The following PTPRT variants were observed in gnomAD, a reference collection of about 807,000 sequenced individuals.
PTPRT encodes the protein protein tyrosine phosphatase receptor type T, also known as receptor-type tyrosine-protein phosphatase T.
PTPRT carries 56 observed loss-of-function variants against 176.8 expected under a neutral mutation model. That is an observed-to-expected ratio of 0.32 (90% CI 0.26 to 0.40). The LOEUF is 0.40. Ranked by LOEUF, PTPRT falls within the 10% of genes least tolerant of loss-of-function variation. The probability of loss-of-function intolerance (pLI) is 1.00; values close to 1 mark genes in which losing one functional copy is unlikely to be tolerated. For synonymous variants in PTPRT, 783 were observed against 739.0 expected (o/e 1.06, Z -0.96); for missense variants, 1,540 against 1,908.2 (o/e 0.81, Z 3.60).
At chr20:42,661,057 G>T (rs933451415) in intron 7 of PTPRT, among the ~76,000 whole-genome samples, 1 of 151,970 alleles carries the variant, frequency 6.6e-6, no homozygotes, top group Admixed American at 6.6e-5. Flanking sequence ...CACCATATTG[G>T]CCAGCCTGGT....
intron 15 of PTPRT, among the ~76,000 whole-genome samples, chr20:42,215,749 T>C (rs1420832542): frequency 1.3e-5 from 1 of 75,190 alleles, no homozygotes; most frequent in African/African-American, 3.3e-5. Flanking sequence ...CCCAGTCATT[T>C]TCCCACCCTA....
intron 6 of PTPRT, among the ~76,000 whole-genome samples, chr20:42,734,795 G>A (rs1358286632): frequency 6.6e-6 from 1 of 152,194 alleles, no homozygotes; most frequent in African/African-American, 2.4e-5. Context: ...GCCAGGGGCA[G>A]GTTCTTCCAG....
chr20:42,854,378 C>G (rs75444627), intron 2 of PTPRT, among the ~76,000 whole-genome samples: 8,975 of 152,176 alleles, frequency 0.059, 598 homozygotes, highest in African/African-American at 0.16. Flanking sequence ...AACACCTTGA[C>G]AAAGGAAAGA....
At chr20:42,038,706 C>A in the PTPRT span, among the ~76,000 whole-genome samples, 1 of 152,158 alleles carries the variant, frequency 6.6e-6, no homozygotes, top group East Asian at 1.9e-4. Context: ...ATATAGTGAG[C>A]TAACACATGC....
At chr20:42,444,599 C>T (rs2059347016) in intron 9 of PTPRT, among the ~76,000 whole-genome samples, 1 of 151,996 alleles carries the variant, frequency 6.6e-6, no homozygotes, top group Non-Finnish European at 1.5e-5. Context: ...TCCCTCCTTC[C>T]CCTCCCTTAT....
At chr20:42,693,181 G>A (rs1187813932) in intron 6 of PTPRT, among the ~76,000 whole-genome samples, 1 of 152,154 alleles carries the variant, frequency 6.6e-6, no homozygotes, top group Non-Finnish European at 1.5e-5. Flanking sequence ...CTTCTTCACT[G>A]AAAACTGCCA....
In PTPRT at chr20:42,897,777, C is replaced by T. The variant is rs189317007; in HGVS notation, c.89-11845G>A. ...GGCCAACTTATGTAACTTCTATGTG[C>T]TTCATTTCTCCATCTGTAAAACTAG... is the stretch of plus-strand genomic sequence containing the variant. On this transcript the variant is annotated intron_variant, in intron 1 of 30. Transcript: ENST00000373187. Among the ~76,000 whole-genome samples the T allele has an allele frequency of 5.9e-5, 9 of 152,278 alleles. No homozygotes were observed. In the East Asian group the frequency reaches 1.7e-3, roughly 29 times the overall value.
intron 6 of PTPRT, among the ~76,000 whole-genome samples, chr20:42,752,914 G>T (rs1209034633): frequency 6.6e-6 from 1 of 152,090 alleles, no homozygotes; most frequent in African/African-American, 2.4e-5. Flanking sequence ...CTCCTGAGGG[G>T]GTCCCTGCCT....
intron 11 of PTPRT, among the ~76,000 whole-genome samples, chr20:42,348,370 T>TTTTATTTATTTATTA (rs1555830097): frequency 6.8e-6 from 1 of 146,526 alleles, no homozygotes; most frequent in Admixed American, 6.8e-5. Context: ...GTGACATTTC[T>TTTTATTTATTTATTA]TTTATTTATT....
intron 9 of PTPRT, among the ~76,000 whole-genome samples, chr20:42,360,023 C>T (rs1026462465): frequency 6.6e-6 from 1 of 152,192 alleles, no homozygotes; most frequent in Non-Finnish European, 1.5e-5. Context: ...AGCTGTTTTC[C>T]TATTGGCTGT....
At chr20:42,356,524 G>C (rs145273175) in intron 9 of PTPRT, among the ~76,000 whole-genome samples, 2 of 151,850 alleles carry the variant, frequency 1.3e-5, no homozygotes, top group Non-Finnish European at 2.9e-5. Flanking sequence ...GAGAAACCCC[G>C]TCTCTATTAA....
chr20:42,359,497 G>C lies in PTPRT; in HGVS notation c.1561-7212C>G, dbSNP rs187712183. ...CTGCAAGTATCCTTACTGGCCTCGT[G>C]CTTCCAATGCTGTTAACATTCATGA... On this transcript the variant is annotated intron_variant, in intron 9 of 30. Transcript: ENST00000373187. Among the ~76,000 whole-genome samples, 337 of 152,318 alleles carry C rather than the reference G, an allele frequency of 2.2e-3. 1 individual carries two copies. The highest frequency in any genetic ancestry group is 7.6e-3 in the African/African-American group (317 of 41,570).
chr20:42,390,863 C>T (rs1306687334), intron 9 of PTPRT, among the ~76,000 whole-genome samples: 1 of 152,114 alleles, frequency 6.6e-6, no homozygotes, highest in African/African-American at 2.4e-5. Context: ...AGAACAGGAA[C>T]TTTCTTGAGT....
Position 42,106,850 on chromosome 20 carries a change from A to C in PTPRT, c.3326T>G (p.Val1109Gly), listed in dbSNP as rs1600523231. 1 of 1,613,940 alleles carries C rather than the reference A, an allele frequency of 6.2e-7. No homozygotes were observed. Among genetic ancestry groups the C allele is most frequent in the Non-Finnish European group, 8.5e-7 (1 of 1,179,966 alleles). ...TMLDMAENEG[V>G]VDIFNCVREL... ...ACGCACGCAGTTGAAGATGTCCACC[A>C]CCCCTTCATTCTCGGCCATGTCAAG... The change falls in exon 24 of 31, where the codon GTG (valine) becomes GGG (glycine). Residue 1109 changes from valine to glycine, a missense_variant. This residue lies in a region of PTPRT where 248 missense variants were observed against 356.7 expected (regional missense o/e 0.70). Transcript: ENST00000373187.
At chr20:42,650,215 A>G (rs1246625465) in intron 7 of PTPRT, among the ~76,000 whole-genome samples, 8 of 152,226 alleles carry the variant, frequency 5.3e-5, no homozygotes, top group Admixed American at 3.3e-4. Context: ...AACTTGTCCA[A>G]GTAAACAGCA....
intron 9 of PTPRT, among the ~76,000 whole-genome samples, chr20:42,411,465 C>A (rs571526410): frequency 7.1e-6 from 1 of 140,062 alleles, no homozygotes; most frequent in African/African-American, 2.7e-5. Context: ...TGTAGTGAGC[C>A]GAGATCGCAC....
chr20:42,603,383 C>T (rs959411436), intron 7 of PTPRT, among the ~76,000 whole-genome samples: 15 of 152,006 alleles, frequency 9.9e-5, no homozygotes, highest in South Asian at 2.1e-4. Context: ...AGGGGACAAA[C>T]GATTTAGACA....
chr20:42,653,601 C>A (rs2075070729), intron 7 of PTPRT, among the ~76,000 whole-genome samples: 1 of 152,216 alleles, frequency 6.6e-6, no homozygotes. Flanking sequence ...TTGTGGAATT[C>A]TCCCTGACAG....
chr20:42,365,858 A>G (rs2058506941), intron 9 of PTPRT, among the ~76,000 whole-genome samples: 1 of 152,148 alleles, frequency 6.6e-6, no homozygotes, highest in South Asian at 2.1e-4. Flanking sequence ...GTGTGGACTA[A>G]ATGAGGCAGT....
Sources: gnomAD v4.1 joint callset for allele counts (sites outside exome capture counted in the v4.1 genomes callset) on GRCh38, gnomAD v4.1.1 for gene constraint, gnomAD v4.1.1 regional missense constraint, MANE v1.5 for transcripts, NCBI Gene and HGNC (gene_info 2026-07-23, HGNC 2026-07-21) for gene names.